RNFT2: variants seen among roughly 807,000 people sequenced by gnomAD.
RNFT2 encodes the protein ring finger protein, transmembrane 2.
Under a neutral mutation model 53.0 loss-of-function variants are expected in RNFT2, and 36 were observed. The ratio of observed to expected loss-of-function variants is 0.68; its 90% CI spans 0.52 to 0.90. RNFT2 has a LOEUF of 0.90. Among genes scored for constraint, RNFT2 ranks in the 40% least tolerant of loss-of-function variants. RNFT2 has a pLI of 0.00. For missense variants in RNFT2, 514 were observed against 585.6 expected, an observed-to-expected ratio of 0.88 and a Z score of 1.26; for synonymous variants, 260 against 253.2, an observed-to-expected ratio of 1.03 and a Z score of -0.26.
intron 6 of RNFT2, among the ~76,000 whole-genome samples, chr12:116,773,904 A>C (rs781259513): frequency 6.6e-6 from 1 of 152,264 alleles, no homozygotes; most frequent in Non-Finnish European, 1.5e-5. Context: ...CCCAGTGTCT[A>C]TTGACAGATG....
rs967598833 is a variant in RNFT2, at chr12:116,837,195, A to G, written c.1200+913A>G. On this transcript the variant is annotated intron_variant, in intron 10 of 10. Transcript: ENST00000257575. Reference sequence around the variant, plus strand: ...TCCTGACATCAGGGACTAGGTGTCAATTCAGCAAATGTGTATTGGGGTCAA... The same window carrying G: ...TCCTGACATCAGGGACTAGGTGTCAGTTCAGCAAATGTGTATTGGGGTCAA... Among the ~76,000 whole-genome samples the G allele has an allele frequency of 2.0e-5, 3 of 152,136 alleles. No homozygotes were observed. In the South Asian group the frequency reaches 6.2e-4, roughly 32 times the overall value.
At chr12:116,753,323 G>A (rs1451628482) in intron 4 of RNFT2, among the ~76,000 whole-genome samples, 1 of 151,636 alleles carries the variant, frequency 6.6e-6, no homozygotes, top group Non-Finnish European at 1.5e-5. Context: ...GCTAATTTTT[G>A]TATTTTTACT....
At chr12:116,816,489 A>T (rs1020127810) in intron 7 of RNFT2, among the ~76,000 whole-genome samples, 1 of 152,098 alleles carries the variant, frequency 6.6e-6, no homozygotes, top group Non-Finnish European at 1.5e-5. Flanking sequence ...CAGAGAGAGG[A>T]TCTTTATAGG....
chr12:116,847,922 G>T (rs1048707342), intron 10 of RNFT2, among the ~76,000 whole-genome samples: 6 of 152,158 alleles, frequency 3.9e-5, no homozygotes, highest in African/African-American at 1.4e-4. Flanking sequence ...GTGCCATGGT[G>T]GTTTGCTGCA....
chr12:116,818,036 A>G (rs1018188245), intron 7 of RNFT2, among the ~76,000 whole-genome samples: 2 of 152,240 alleles, frequency 1.3e-5, no homozygotes, highest in African/African-American at 4.8e-5. Context: ...GGGAAACGGG[A>G]AAGGGCTTTC....
intron 5 of RNFT2, chr12:116,755,487 G>A (rs567577973): frequency 4.3e-5 from 43 of 993,648 alleles, no homozygotes; most frequent in African/African-American, 1.1e-4. Flanking sequence ...GCAGGCTGGC[G>A]CTTGAGTTGA....
In RNFT2 at chr12:116,833,812, C is replaced by T. The variant is rs773306690; in HGVS notation, c.903C>T (p.Ile301=). 6 of 1,613,182 alleles carry T rather than the reference C, an allele frequency of 3.7e-6. No homozygotes were observed. The highest frequency in any genetic ancestry group is 4.5e-5 in the East Asian group (2 of 44,808). Residue 301 remains isoleucine, a synonymous_variant, in exon 8 of 11, where the codon ATC becomes ATT. Transcript: ENST00000257575. ...VKSKGKFYLV[I]EELSQLFRSL... ...TGCAGGGAAAGTTCTATCTGGTCAT[C>T]GAGGAGCTGAGCCAGCTGTTCCGAT...
In RNFT2 at chr12:116,853,221, T is replaced by C; in HGVS notation, c.*3773T>C. 1 of 399,274 alleles carries C rather than the reference T, an allele frequency of 2.5e-6. No homozygotes were observed. The highest frequency in any genetic ancestry group is 4.4e-6 in the Non-Finnish European group (1 of 226,550). 24.7% of individuals were successfully genotyped at this position (399,274 alleles called of 1,614,324 possible). A position where few individuals can be genotyped will look rare whatever the true frequency, so the allele number is the denominator to read the frequency against. ...GTTGGAAAAGAACAATGCCACTCTC[T>C]TTTATGTATCTTGGTTCTGCAACTC... On this transcript the variant is annotated 3_prime_UTR_variant, in exon 11 of 11. Coordinates refer to ENST00000257575, the MANE Select transcript of RNFT2 (RefSeq NM_001382266.1).
chr12:116,784,929 C>T (rs1024791948), intron 7 of RNFT2, among the ~76,000 whole-genome samples: 1 of 152,150 alleles, frequency 6.6e-6, no homozygotes, highest in African/African-American at 2.4e-5. Flanking sequence ...CCTCTCCTAT[C>T]ACTTCCCCTC....
chr12:116,825,568 T>G (rs886357027), intron 7 of RNFT2, among the ~76,000 whole-genome samples: 3 of 152,208 alleles, frequency 2.0e-5, no homozygotes, highest in African/African-American at 7.2e-5. Flanking sequence ...TTTACTGACA[T>G]GTGAGAGCCA....
At chr12:116,753,876 T>C in intron 4 of RNFT2, 108 bp from the exon 5 acceptor site, 1 of 773,346 alleles carries the variant, frequency 1.3e-6, no homozygotes, top group South Asian at 1.5e-5. Context: ...CTCTCTTCTG[T>C]CAACTCTGAG....
intron 8 of RNFT2, among the ~76,000 whole-genome samples, chr12:116,835,061 G>C (rs1164219776): frequency 6.6e-6 from 1 of 151,970 alleles, no homozygotes; most frequent in Non-Finnish European, 1.5e-5. Context: ...TGTTGGCCAG[G>C]CTGGTCTCAA....
chr12:116,851,993 A>T lies in RNFT2; in HGVS notation c.*2545A>T. The T allele has an allele frequency of 6.8e-7, 1 of 1,461,604 alleles. No homozygotes were observed. Among genetic ancestry groups the T allele is most frequent in the Non-Finnish European group, 9.0e-7 (1 of 1,106,792 alleles). The allele number at this position is 1,461,604 out of a possible 1,614,324, so 90.5% of individuals were successfully genotyped here. On this transcript the variant is annotated 3_prime_UTR_variant, in exon 11 of 11. Coordinates refer to ENST00000257575, the MANE Select transcript of RNFT2 (RefSeq NM_001382266.1). Reference sequence around the variant, plus strand: ...TATGTTATGGATGTTTCCACCAACCAGGGTAGTGGCATGGAGCACCGTAAC... The same window carrying T: ...TATGTTATGGATGTTTCCACCAACCTGGGTAGTGGCATGGAGCACCGTAAC...
chr12:116,812,272 G>A (rs1467139304), intron 7 of RNFT2, among the ~76,000 whole-genome samples: 3 of 152,070 alleles, frequency 2.0e-5, no homozygotes, highest in South Asian at 2.1e-4. Flanking sequence ...ATAGCAGCCC[G>A]ACATAAATAC....
chr12:116,778,504 G>A (rs1873539401), intron 6 of RNFT2, among the ~76,000 whole-genome samples: 1 of 152,200 alleles, frequency 6.6e-6, no homozygotes, highest in South Asian at 2.1e-4. Context: ...CTCACCAGAA[G>A]CTAGTGCCAT....
At chr12:116,766,618 A>G (rs889287526) in intron 5 of RNFT2, among the ~76,000 whole-genome samples, 196 bp from the exon 6 acceptor site, 5 of 152,168 alleles carry the variant, frequency 3.3e-5, no homozygotes, top group African/African-American at 9.7e-5. Context: ...GCAGATGTCC[A>G]CCATTCTGCC....
intron 10 of RNFT2, among the ~76,000 whole-genome samples, chr12:116,845,683 T>C (rs1877575864): frequency 1.3e-5 from 2 of 151,978 alleles, no homozygotes; most frequent in East Asian, 1.9e-4. Context: ...ATGGGTGCCA[T>C]AGTGGGAATC....
chr12:116,771,477 A>AG (rs1303777905), intron 6 of RNFT2, among the ~76,000 whole-genome samples: 1 of 109,084 alleles, frequency 9.2e-6, no homozygotes, highest in Admixed American at 1.1e-4. Context: ...AAAAAAAAAA[A>AG]AAAAAAAAAA....
intron 7 of RNFT2, among the ~76,000 whole-genome samples, chr12:116,787,686 C>T (rs11068188): frequency 0.057 from 8,579 of 150,798 alleles, 643 homozygotes; most frequent in African/African-American, 0.17. Context: ...TACACTCAGC[C>T]TGGGCAATAG....
Sources: gnomAD v4.1 joint callset for allele counts (sites outside exome capture counted in the v4.1 genomes callset) on GRCh38, gnomAD v4.1.1 for gene constraint, MANE v1.5 for transcripts, NCBI Gene and HGNC (gene_info 2026-07-23, HGNC 2026-07-21) for gene names.